The following NPSR1 variants were observed in gnomAD, a reference collection of about 807,000 sequenced individuals.
NPSR1 encodes the protein neuropeptide S receptor.
In NPSR1, 48 loss-of-function variants were observed where a neutral mutation model predicts 46.9. The ratio of observed to expected loss-of-function variants is 1.02; its 90% CI spans 0.81 to 1.30. The LOEUF (loss-of-function observed/expected upper bound fraction) is 1.30, where lower values mean the gene tolerates loss of function less well. Among genes scored for constraint, NPSR1 ranks in the 50% most tolerant of loss-of-function variants. NPSR1 has a pLI of 0.00. For synonymous variants in NPSR1, 176 were observed against 168.1 expected, an observed-to-expected ratio of 1.05 and a Z score of -0.36; for missense variants, 450 against 449.5, an observed-to-expected ratio of 1.00 and a Z score of -0.01.
intron 1 of NPSR1, among the ~76,000 whole-genome samples, chr7:34,673,665 G>A (rs986078270): frequency 1.3e-5 from 2 of 152,182 alleles, no homozygotes; most frequent in African/African-American, 4.8e-5. Flanking sequence ...GACAAGTCTA[G>A]AGGCATTGCA....
intron 3 of NPSR1, among the ~76,000 whole-genome samples, chr7:34,807,641 A>G (rs1014623333): frequency 1.3e-5 from 2 of 152,102 alleles, no homozygotes; most frequent in African/African-American, 4.8e-5. Context: ...TGTGGTTTAA[A>G]ATTTTTCTCT....
intron 2 of NPSR1, among the ~76,000 whole-genome samples, chr7:34,714,418 G>A (rs1783459974): frequency 6.6e-6 from 1 of 152,196 alleles, no homozygotes; most frequent in African/African-American, 2.4e-5. Flanking sequence ...ATTGTGCAAT[G>A]GGCCAGTACT....
At chr7:34,799,417 T>C (rs994156801) in intron 3 of NPSR1, among the ~76,000 whole-genome samples, 2 of 151,862 alleles carry the variant, frequency 1.3e-5, no homozygotes, top group Non-Finnish European at 2.9e-5. Flanking sequence ...GATTCAACAT[T>C]CTTAAAGAAA....
At chr7:34,789,936 T>A (rs1787653042) in intron 3 of NPSR1, among the ~76,000 whole-genome samples, 1 of 152,010 alleles carries the variant, frequency 6.6e-6, no homozygotes, top group Admixed American at 6.6e-5. Flanking sequence ...TGCAAAATTC[T>A]ACCAAACACT....
intron 2 of NPSR1, among the ~76,000 whole-genome samples, chr7:34,687,324 ACT>A (rs1432325159): frequency 6.6e-6 from 1 of 152,196 alleles, no homozygotes; most frequent in African/African-American, 2.4e-5. Flanking sequence ...TACAGTGATA[ACT>A]CAATAGTATG....
rs6952485 is a variant in NPSR1, at chr7:34,810,521, A to G, written c.385-1249A>G. Among the ~76,000 whole-genome samples the G allele has an allele frequency of 3.5e-3, 533 of 152,306 alleles. 3 individuals carry two copies. Among genetic ancestry groups the G allele is most frequent in the African/African-American group, 0.012 (498 of 41,570 alleles). On this transcript the variant is annotated intron_variant, in intron 3 of 8. Coordinates refer to ENST00000360581, the MANE Select transcript of NPSR1 (RefSeq NM_207172.2). ...GATCCTGAGCCTAATGAAGTGGATG[A>G]AAAAGGGGAGCTCTCTGATGGTGTC...
chr7:34,751,736 T>C lies in NPSR1; in HGVS notation c.281-26726T>C, dbSNP rs778847108. On this transcript the variant is annotated intron_variant, in intron 2 of 8. Transcript: ENST00000360581. ...GGAGACTCCTTCGGGTCCCCCTGAC[T>C]GGTTCTCTTCTCTTCTAGCTTCTCC... 1.4e-4 allele frequency: 217 copies of C among 1,585,816 alleles called. 4 individuals are homozygous for C. The highest frequency in any genetic ancestry group is 1.3e-3 in the South Asian group (117 of 90,510).
intron 8 of NPSR1, among the ~76,000 whole-genome samples, chr7:34,876,400 A>G (rs563709530): frequency 1.3e-5 from 2 of 152,306 alleles, no homozygotes; most frequent in East Asian, 1.9e-4. Flanking sequence ...AATTAACTGA[A>G]ATGAAGCATA....
chr7:34,822,082 A>C (rs1354038606), intron 4 of NPSR1, among the ~76,000 whole-genome samples: 1 of 152,180 alleles, frequency 6.6e-6, no homozygotes, highest in South Asian at 2.1e-4. Context: ...TATAATGTAT[A>C]ATTCAGCCCC....
At chr7:34,715,310 T>C (rs1783507423) in intron 2 of NPSR1, among the ~76,000 whole-genome samples, 1 of 152,138 alleles carries the variant, frequency 6.6e-6, no homozygotes, top group Non-Finnish European at 1.5e-5. Context: ...GCCCAGAAAG[T>C]TTTTCTCCCA....
chr7:34,839,412 T>C (rs1790491849), intron 6 of NPSR1, among the ~76,000 whole-genome samples: 3 of 152,194 alleles, frequency 2.0e-5, no homozygotes, highest in African/African-American at 7.2e-5. Flanking sequence ...TAGAGAAAGT[T>C]CGGTTTACCA....
At chr7:34,681,692 T>G (rs1365387307) in intron 1 of NPSR1, among the ~76,000 whole-genome samples, 2 of 152,152 alleles carry the variant, frequency 1.3e-5, no homozygotes, top group Non-Finnish European at 2.9e-5. Flanking sequence ...ACTAGAGCTG[T>G]GAACTCCTTT....
chr7:34,835,864 C>T (rs568094869), intron 6 of NPSR1, among the ~76,000 whole-genome samples: 90 of 152,244 alleles, frequency 5.9e-4, no homozygotes, highest in African/African-American at 1.9e-3. Flanking sequence ...TACAATGCAC[C>T]GAAACCCAGA....
At chr7:34,824,225 G>A (rs1293087635) in intron 4 of NPSR1, among the ~76,000 whole-genome samples, 1 of 152,060 alleles carries the variant, frequency 6.6e-6, no homozygotes, top group Non-Finnish European at 1.5e-5. Context: ...ATTTGCTAGT[G>A]TTTCTATAAT....
chr7:34,783,318 C>T (rs777912125), intron 3 of NPSR1, among the ~76,000 whole-genome samples: 42 of 152,006 alleles, frequency 2.8e-4, no homozygotes, highest in Non-Finnish European at 4.3e-4. Flanking sequence ...ATGTCCTTCA[C>T]AAGGTGGCAG....
intron 2 of NPSR1, among the ~76,000 whole-genome samples, chr7:34,774,786 T>G (rs1786870353): frequency 6.6e-6 from 1 of 152,156 alleles, no homozygotes; most frequent in South Asian, 2.1e-4. Context: ...CAGAGCCCTT[T>G]CTTGCTTTCT....
chr7:34,805,128 C>T (rs2128748860), intron 3 of NPSR1, among the ~76,000 whole-genome samples: 1 of 151,898 alleles, frequency 6.6e-6, no homozygotes, highest in South Asian at 2.1e-4. Context: ...TCTATAAATT[C>T]AATACAATTC....
intron 5 of NPSR1, among the ~76,000 whole-genome samples, chr7:34,830,547 T>TTCTC (rs1475548526): frequency 6.6e-6 from 1 of 152,240 alleles, no homozygotes; most frequent in Non-Finnish European, 1.5e-5. Flanking sequence ...ATTTTCTCTA[T>TTCTC]TCTCTATCTT....
chr7:34,808,937 G>A lies in NPSR1; in HGVS notation c.385-2833G>A, dbSNP rs191891007. ...TCTGAAATTAAATACTCTTTTGATTGTATCTCAAAGTCAGCATCTTTTTAT... is the reference window on the plus strand; with the variant it reads ...TCTGAAATTAAATACTCTTTTGATTATATCTCAAAGTCAGCATCTTTTTAT... On this transcript the variant is annotated intron_variant, in intron 3 of 8. Transcript: ENST00000360581. 1.1e-4 allele frequency among the ~76,000 whole-genome samples: 17 copies of A among 152,204 alleles called. No individual in the cohort carries two copies. In the East Asian group the frequency reaches 3.3e-3, roughly 29 times the overall value.
Sources: allele counts gnomAD v4.1 joint callset (sites outside exome capture counted in the v4.1 genomes callset), GRCh38; gene constraint gnomAD v4.1.1; transcripts MANE v1.5; gene names NCBI Gene and HGNC (gene_info 2026-07-23, HGNC 2026-07-21).